VPS41: variants seen among roughly 807,000 people sequenced by gnomAD.
VPS41 encodes vacuolar protein sorting-associated protein 41 homolog.
VPS41 carries 85 observed loss-of-function variants against 130.9 expected under a neutral mutation model. The ratio of observed to expected loss-of-function variants is 0.65; its 90% CI spans 0.55 to 0.78. The LOEUF (loss-of-function observed/expected upper bound fraction) is 0.78, where lower values mean the gene tolerates loss of function less well. Ranked by LOEUF, VPS41 falls within the 30% of genes least tolerant of loss-of-function variation. The pLI, the probability that VPS41 is intolerant of heterozygous loss-of-function variation, is 0.00. For missense variants in VPS41, 874 were observed against 1,018.7 expected (o/e 0.86, Z 1.93); for synonymous variants, 335 against 332.9 (o/e 1.01, Z -0.07).
chr7:38,757,633 A>G (rs1783825739), intron 18 of VPS41, among the ~76,000 whole-genome samples: 1 of 152,186 alleles, frequency 6.6e-6, no homozygotes, highest in Admixed American at 6.5e-5. Flanking sequence ...CAACACGTCC[A>G]GAGTTCTAGG....
intron 1 of VPS41, among the ~76,000 whole-genome samples, chr7:38,902,443 C>A (rs1348851939): frequency 6.6e-6 from 1 of 152,174 alleles, no homozygotes; most frequent in Non-Finnish European, 1.5e-5. Flanking sequence ...ATATGGCCTG[C>A]AGGTGTTTTG....
chr7:38,884,206 T>G (rs1786671724), intron 2 of VPS41, among the ~76,000 whole-genome samples: 2 of 152,242 alleles, frequency 1.3e-5, no homozygotes, highest in African/African-American at 4.8e-5. Context: ...TATCTCCTGA[T>G]TTCTCACAAT....
chr7:38,799,227 C>A (rs1784679857), intron 7 of VPS41, among the ~76,000 whole-genome samples: 1 of 151,306 alleles, frequency 6.6e-6, no homozygotes, highest in African/African-American at 2.4e-5. Flanking sequence ...ACAAGACATT[C>A]AAAAAAAACA....
At chr7:38,750,739 G>GT (rs1384612799) in intron 22 of VPS41, among the ~76,000 whole-genome samples, 1 of 152,190 alleles carries the variant, frequency 6.6e-6, no homozygotes, top group Non-Finnish European at 1.5e-5. Context: ...CATAAAGTGT[G>GT]TGAGAGATAT....
chr7:38,749,193 G>A (rs1189750046), intron 22 of VPS41, among the ~76,000 whole-genome samples: 4 of 152,046 alleles, frequency 2.6e-5, no homozygotes, highest in African/African-American at 9.7e-5. Context: ...TTGATGTGAC[G>A]TCAGGATCTT....
intron 4 of VPS41, chr7:38,831,432 G>A (rs1019455057): frequency 6.6e-6 from 2 of 305,108 alleles, no homozygotes; most frequent in East Asian, 1.9e-4. Flanking sequence ...AAAGCATACA[G>A]ATCACAGAAC....
chr7:38,830,361 C>T, intron 4 of VPS41, 33 bp from the exon 5 acceptor site: 1 of 1,315,728 alleles, frequency 7.6e-7, no homozygotes, highest in Non-Finnish European at 1.1e-6. Flanking sequence ...ATGTGTAAAA[C>T]TTCAGGAAAA....
intron 24 of VPS41, among the ~76,000 whole-genome samples, chr7:38,742,880 A>G (rs561473175): frequency 1.3e-5 from 2 of 152,232 alleles, no homozygotes; most frequent in South Asian, 2.1e-4. Flanking sequence ...GGGAGACCCA[A>G]TGCAAACAGT....
chr7:38,867,545 C>CAA (rs978128090), intron 3 of VPS41, among the ~76,000 whole-genome samples: 1 of 132,080 alleles, frequency 7.6e-6, no homozygotes. Context: ...GACTCCATCT[C>CAA]AAAAAAAAAA....
intron 7 of VPS41, among the ~76,000 whole-genome samples, chr7:38,802,596 A>G (rs537685641): frequency 1.2e-4 from 18 of 152,256 alleles, no homozygotes; most frequent in Non-Finnish European, 2.5e-4. Context: ...GCAGAAACAT[A>G]TTTTCTGACA....
At chr7:38,818,654 T>G (rs953912030) in intron 6 of VPS41, among the ~76,000 whole-genome samples, 3 of 152,176 alleles carry the variant, frequency 2.0e-5, no homozygotes, top group African/African-American at 7.2e-5. Flanking sequence ...TTGGAGCTCA[T>G]CTGTTGTGGC....
chr7:38,747,177 A>T (rs1189154505), intron 22 of VPS41, among the ~76,000 whole-genome samples: 1 of 152,178 alleles, frequency 6.6e-6, no homozygotes, highest in Non-Finnish European at 1.5e-5. Flanking sequence ...CTTTCTTACC[A>T]ACTCTTCACT....
chr7:38,876,051 ATT>A (rs1786484833), intron 2 of VPS41, among the ~76,000 whole-genome samples: 1 of 152,142 alleles, frequency 6.6e-6, no homozygotes, highest in Non-Finnish European at 1.5e-5. Flanking sequence ...CCCCAGGGAC[ATT>A]TATTTGGCAA....
intron 22 of VPS41, among the ~76,000 whole-genome samples, chr7:38,749,887 G>A (rs1461742547): frequency 6.6e-6 from 1 of 152,166 alleles, no homozygotes; most frequent in African/African-American, 2.4e-5. Context: ...TATTTAAAGA[G>A]AGTTTTGCTT....
chr7:38,774,022 A>G, intron 12 of VPS41, 93 bp downstream of exon 12: 7 of 1,269,266 alleles, frequency 5.5e-6, no homozygotes, highest in South Asian at 1.6e-5. Context: ...AGATTCTTTC[A>G]GCACCTTAAT....
intron 10 of VPS41, among the ~76,000 whole-genome samples, chr7:38,778,921 G>A (rs1045630701): frequency 1.1e-4 from 16 of 152,230 alleles, no homozygotes; most frequent in African/African-American, 3.1e-4. Context: ...GAGAAACTAC[G>A]AAATAATCCT....
chr7:38,883,966 G>A (rs906635075), intron 2 of VPS41, among the ~76,000 whole-genome samples: 29 of 152,188 alleles, frequency 1.9e-4, no homozygotes, highest in African/African-American at 6.8e-4. Flanking sequence ...TAAGCCAAGT[G>A]CTATGTGGAA....
At chr7:38,755,418 A>C (rs963328627) in intron 19 of VPS41, among the ~76,000 whole-genome samples, 1 of 152,292 alleles carries the variant, frequency 6.6e-6, no homozygotes, top group Admixed American at 6.5e-5. Flanking sequence ...TCAGAAAGAG[A>C]ATGAGATACC....
At chr7:38,760,109 G>T (rs1232963156) in intron 17 of VPS41, among the ~76,000 whole-genome samples, 1 of 151,958 alleles carries the variant, frequency 6.6e-6, no homozygotes, top group Non-Finnish European at 1.5e-5. Context: ...GCTGATTCTG[G>T]GCCAGTATCT....
Sources: gnomAD v4.1 joint callset for allele counts (sites outside exome capture counted in the v4.1 genomes callset) on GRCh38, gnomAD v4.1.1 for gene constraint, MANE v1.5 for transcripts, NCBI Gene and HGNC (gene_info 2026-07-23, HGNC 2026-07-21) for gene names.